The following TGS1 variants were observed in gnomAD, a reference collection of about 807,000 sequenced individuals.
TGS1 encodes the protein trimethylguanosine synthase 1, also known as trimethylguanosine synthase.
A neutral mutation model predicts 92.2 loss-of-function variants in TGS1; 69 were observed. That is an observed-to-expected ratio of 0.75 (90% CI 0.62 to 0.91). The LOEUF is 0.91. Ranked by LOEUF, TGS1 falls within the 40% of genes least tolerant of loss-of-function variation. TGS1 has a pLI of 0.00. For synonymous variants in TGS1, 345 were observed against 338.1 expected, an observed-to-expected ratio of 1.02 and a Z score of -0.22; for missense variants, 1,062 against 1,001.2, an observed-to-expected ratio of 1.06 and a Z score of -0.82.
intron 5 of TGS1, 144 bp from the exon 6 acceptor site, chr8:55,792,554 C>T (rs1334223792): frequency 2.1e-5 from 12 of 563,440 alleles, no homozygotes; most frequent in South Asian, 2.6e-5. Context: ...TATTTTTTTT[C>T]CTGGTTTCCT....
At chr8:55,778,832 T>C (rs1811473949) in intron 1 of TGS1, among the ~76,000 whole-genome samples, 1 of 152,246 alleles carries the variant, frequency 6.6e-6, no homozygotes, top group East Asian at 1.9e-4. Context: ...CAGATATTGC[T>C]AAGAATCTTA....
chr8:55,796,156 T>A lies in TGS1; in HGVS notation c.1542+4T>A. ...GAAAAGCAAAATTCTGAGTAAGGTA[T>A]GTATAAATTTTGTTGCATATTTGTA... is the stretch of plus-strand genomic sequence containing the variant. On this transcript the variant is annotated splice_donor_region_variant and intron_variant, in intron 7 of 12. Transcript: ENST00000260129. The A allele has an allele frequency of 1.9e-6, 3 of 1,596,140 alleles. No individual in the cohort carries two copies. The highest frequency in any genetic ancestry group is 2.6e-6 in the Non-Finnish European group (3 of 1,169,100).
chr8:55,797,738 T>A (rs1812098701), intron 7 of TGS1, among the ~76,000 whole-genome samples: 1 of 152,186 alleles, frequency 6.6e-6, no homozygotes. Context: ...AGCAGAACCT[T>A]CATGTCAATC....
chr8:55,814,380 TG>T (rs1262490171), intron 12 of TGS1, among the ~76,000 whole-genome samples: 13 of 152,252 alleles, frequency 8.5e-5, no homozygotes, highest in African/African-American at 3.1e-4. Flanking sequence ...TGAGATTCTC[TG>T]GGTTAAAAGA....
Position 55,790,301 on chromosome 8 carries a change from T to G in TGS1, c.1280+2T>G. 1.3e-6 allele frequency: 2 copies of G among 1,597,236 alleles called. No homozygotes were observed. Among genetic ancestry groups the G allele is most frequent in the Non-Finnish European group, 1.7e-6 (2 of 1,165,048 alleles). ...TAAGCCAAGCAAACTGAAGAGGAGG[T>G]AAGTTACATGAGACCCCTCTCACCA... On this transcript the variant is annotated splice_donor_variant, in intron 5 of 12. Transcript: ENST00000260129. LOFTEE classifies it high-confidence loss of function.
chr8:55,822,992 C>T lies in TGS1; in HGVS notation c.2440-1589C>T, dbSNP rs528478546. On this transcript the variant is annotated intron_variant, in intron 12 of 12. Coordinates refer to ENST00000260129, the MANE Select transcript of TGS1 (RefSeq NM_024831.8). ...TTGCTGATTACAGTTACAGAAAATGCTTGTTTCTCGTTGTTTATGCCTGTC... is the reference window on the plus strand; with the variant it reads ...TTGCTGATTACAGTTACAGAAAATGTTTGTTTCTCGTTGTTTATGCCTGTC... 2.6e-5 allele frequency among the ~76,000 whole-genome samples: 4 copies of T among 152,202 alleles called. No homozygotes were observed. In the East Asian group the frequency reaches 5.8e-4, roughly 22 times the overall value.
rs758008577 is a variant in TGS1, at chr8:55,811,139, G to T, written c.2360+42G>T. On this transcript the variant is annotated intron_variant, in intron 11 of 12. Transcript: ENST00000260129. Reference sequence around the variant, plus strand: ...TTAAGAGTTTACTGAAACAATGATTGTGGAGAGAAAGGAGCATGAGAGTGA... The same window carrying T: ...TTAAGAGTTTACTGAAACAATGATTTTGGAGAGAAAGGAGCATGAGAGTGA... 3.8e-6 allele frequency: 5 copies of T among 1,311,220 alleles called. No individual in the cohort carries two copies. In the Admixed American group the frequency reaches 9.1e-5, roughly 24 times the overall value. 81.2% of individuals were successfully genotyped at this position (1,311,220 alleles called of 1,614,324 possible).
chr8:55,785,641 C>A (rs13256104), intron 2 of TGS1, 78 bp from the exon 3 acceptor site: 1 of 1,133,740 alleles, frequency 8.8e-7, no homozygotes, highest in South Asian at 1.9e-5. Context: ...CTCTGGATCT[C>A]AGGTTTTTTT....
In TGS1 at chr8:55,796,712, C is replaced by T. The variant is rs111344723; in HGVS notation, c.1542+560C>T. Among the ~76,000 whole-genome samples, 901 of 151,712 alleles carry T rather than the reference C, an allele frequency of 5.9e-3. 4 individuals carry two copies. The highest frequency in any genetic ancestry group is 0.02 in the African/African-American group (832 of 41,354). On this transcript the variant is annotated intron_variant, in intron 7 of 12. Transcript: ENST00000260129. ...TCAAAAAAAAACACGCAACCTTGGC[C>T]GGGCATGGTGGCTTACACCTGTAAT...
intron 3 of TGS1, 40 bp from the exon 4 acceptor site, chr8:55,786,198 A>C: frequency 9.3e-7 from 1 of 1,071,776 alleles, no homozygotes; most frequent in Non-Finnish European, 1.3e-6. Flanking sequence ...TTTATAGTTC[A>C]TAAAGTGCAT....
intron 11 of TGS1, among the ~76,000 whole-genome samples, chr8:55,812,415 C>T (rs887324868): frequency 6.7e-6 from 1 of 149,246 alleles, no homozygotes; most frequent in African/African-American, 2.5e-5. Flanking sequence ...GTAATCTCAG[C>T]TACTCAGGAG....
rs867691528 is a variant in TGS1, at chr8:55,782,805, C to G, written c.159C>G (p.Asn53Lys). The G allele has an allele frequency of 6.2e-6, 10 of 1,604,518 alleles. 1 individual carries two copies. The Middle Eastern group carries it at 1.7e-3, about 267-fold the overall frequency. ...GCTATTACATCAGAGACAGTGGCAA[C>G]AATTCAGGTAATATAGTATAAAATT... ...LKGYYIRDSG[N>K]NSGDQATEEE... The change falls in exon 2 of 13, where the codon AAC becomes AAG. Residue 53 changes from asparagine to lysine, a missense_variant. Physicochemically the swap from Asn to Lys is moderately conservative, Grantham distance 94. Coordinates refer to ENST00000260129, the MANE Select transcript of TGS1 (RefSeq NM_024831.8).
intron 10 of TGS1, among the ~76,000 whole-genome samples, chr8:55,807,310 A>C (rs1279926844): frequency 6.6e-6 from 1 of 152,080 alleles, no homozygotes; most frequent in Admixed American, 6.5e-5. Flanking sequence ...CAGAGACTAA[A>C]TATTATTTAA....
intron 2 of TGS1, among the ~76,000 whole-genome samples, chr8:55,784,647 G>C (rs1201472166): frequency 2.6e-5 from 4 of 152,146 alleles, no homozygotes; most frequent in Non-Finnish European, 4.4e-5. Flanking sequence ...GAATCCTTTT[G>C]TTAAATCAGC....
intron 10 of TGS1, among the ~76,000 whole-genome samples, chr8:55,806,988 C>T (rs1018564489): frequency 8.0e-5 from 12 of 150,836 alleles, no homozygotes; most frequent in South Asian, 2.1e-4. Flanking sequence ...AGTGCAGTGG[C>T]GCGGATCTCG....
At chr8:55,782,929 A>G in intron 2 of TGS1, 117 bp downstream of exon 2, 2 of 659,898 alleles carry the variant, frequency 3.0e-6, no homozygotes, top group Non-Finnish European at 2.5e-6. Context: ...ATAAATGCCA[A>G]ATAATTCTGT....
chr8:55,775,230 ACT>A (rs1045665570), intron 1 of TGS1, among the ~76,000 whole-genome samples: 2 of 133,808 alleles, frequency 1.5e-5, no homozygotes, highest in African/African-American at 5.6e-5. Context: ...ACAGAGCAAG[ACT>A]CTGTCCCGAA....
chr8:55,821,796 CCAGGAGGCAGA>C (rs1803645433), intron 12 of TGS1, among the ~76,000 whole-genome samples: 1 of 151,760 alleles, frequency 6.6e-6, no homozygotes. Flanking sequence ...TGGCATGAAC[CCAGGAGGCAGA>C]GCTTGCAGTA....
Position 55,773,534 on chromosome 8 carries a change from C to G in TGS1, c.-85C>G. 1 of 1,021,382 alleles carries G rather than the reference C, an allele frequency of 9.8e-7. No individual in the cohort carries two copies. The highest frequency in any genetic ancestry group is 1.5e-6 in the Non-Finnish European group (1 of 688,908). 63.3% of individuals were successfully genotyped at this position (1,021,382 alleles called of 1,614,324 possible). ...CTCATCCAGGGCTTGCGGGCGAGGCCTGTTTTAAGTCTCCAGTAACCGAGC... is the reference window on the plus strand; with the variant it reads ...CTCATCCAGGGCTTGCGGGCGAGGCGTGTTTTAAGTCTCCAGTAACCGAGC... On this transcript the variant is annotated 5_prime_UTR_variant, in exon 1 of 13. Coordinates refer to ENST00000260129, the MANE Select transcript of TGS1 (RefSeq NM_024831.8).
Sources: gnomAD v4.1 joint callset for allele counts (sites outside exome capture counted in the v4.1 genomes callset) on GRCh38, gnomAD v4.1.1 for gene constraint, MANE v1.5 for transcripts, NCBI Gene and HGNC (gene_info 2026-07-23, HGNC 2026-07-21) for gene names.